ENOX1: variants seen among roughly 807,000 people sequenced by gnomAD.
The protein encoded by ENOX1 is ecto-NOX disulfide-thiol exchanger 1.
A neutral mutation model predicts 82.5 loss-of-function variants in ENOX1; 42 were observed. The observed-to-expected ratio is 0.51, with a 90% CI of 0.40 to 0.66. The LOEUF (loss-of-function observed/expected upper bound fraction) is 0.66, where lower values mean the gene tolerates loss of function less well. ENOX1 is among the 30% of genes least tolerant of loss of function. The probability of loss-of-function intolerance (pLI) is 0.00; values close to 1 mark genes in which losing one functional copy is unlikely to be tolerated. For missense variants in ENOX1, 608 were observed against 811.6 expected, an observed-to-expected ratio of 0.75 and a Z score of 3.05; for synonymous variants, 271 against 282.2, an observed-to-expected ratio of 0.96 and a Z score of 0.40.
chr13:43,719,591 A>C (rs953457810), intron 1 of ENOX1, among the ~76,000 whole-genome samples: 40 of 152,160 alleles, frequency 2.6e-4, no homozygotes, highest in African/African-American at 9.4e-4. Context: ...GCACTCATAG[A>C]CAAAACACCT....
At chr13:43,242,554 G>T (rs910100520) in intron 14 of ENOX1, among the ~76,000 whole-genome samples, 1 of 152,214 alleles carries the variant, frequency 6.6e-6, no homozygotes, top group Non-Finnish European at 1.5e-5. Context: ...ATGAGAGGTG[G>T]CCATGAGGCA....
chr13:43,684,081 G>A (rs1384084573), intron 1 of ENOX1, among the ~76,000 whole-genome samples: 1 of 110,424 alleles, frequency 9.1e-6, no homozygotes, highest in Non-Finnish European at 1.7e-5. Context: ...GGGCGAAAGA[G>A]CGAGACTCTG....
At position 43,702,011 on chromosome 13, in the gene ENOX1, C is replaced by G. The variant is rs566018117; in HGVS notation, c.-284-34467G>C. ...CTTATGCTACTCCCTCCATCCTATC[C>G]CTATCCCCTGGCCACCACTAATGTG... On this transcript the variant is annotated intron_variant, in intron 1 of 16. Transcript: ENST00000690772. 2.6e-5 allele frequency among the ~76,000 whole-genome samples: 4 copies of G among 152,268 alleles called. No homozygotes were observed. The South Asian group carries it at 6.2e-4, about 24-fold the overall frequency.
intron 14 of ENOX1, among the ~76,000 whole-genome samples, chr13:43,253,305 TCTTTGTACCTA>T (rs1427084631): frequency 2.0e-5 from 3 of 152,214 alleles, no homozygotes; most frequent in Admixed American, 2.0e-4. Flanking sequence ...CTTCATTCTA[TCTTTGTACCTA>T]CTTTTTTCCT....
chr13:43,383,996 G>A (rs1320354445), intron 5 of ENOX1, among the ~76,000 whole-genome samples: 1 of 152,166 alleles, frequency 6.6e-6, no homozygotes, highest in Non-Finnish European at 1.5e-5. Flanking sequence ...GAGACTGATC[G>A]GCAGTGAAGC....
chr13:43,392,812 G>GT (rs2052877284), intron 5 of ENOX1, among the ~76,000 whole-genome samples: 1 of 151,974 alleles, frequency 6.6e-6, no homozygotes, highest in Non-Finnish European at 1.5e-5. Flanking sequence ...TCATTAATAT[G>GT]TTTTTCTTTA....
intron 1 of ENOX1, among the ~76,000 whole-genome samples, chr13:43,670,581 C>T (rs547830937): frequency 2.6e-5 from 4 of 152,244 alleles, no homozygotes; most frequent in South Asian, 2.1e-4. Context: ...GGGCTGGGAG[C>T]GGTGGCTCAT....
intron 3 of ENOX1, among the ~76,000 whole-genome samples, chr13:43,457,870 T>C (rs2057301551): frequency 6.6e-6 from 1 of 152,174 alleles, no homozygotes; most frequent in Non-Finnish European, 1.5e-5. Context: ...AACTATATAC[T>C]GACTCTTACC....
intron 9 of ENOX1, among the ~76,000 whole-genome samples, chr13:43,337,080 C>T (rs1375982057): frequency 6.6e-6 from 1 of 152,184 alleles, no homozygotes; most frequent in Non-Finnish European, 1.5e-5. Context: ...ATGCCGTATG[C>T]TCCACTTTAA....
At chr13:43,582,925 C>T (rs1157724018) in intron 2 of ENOX1, among the ~76,000 whole-genome samples, 1 of 152,076 alleles carries the variant, frequency 6.6e-6, no homozygotes, top group African/African-American at 2.4e-5. Flanking sequence ...AAATATTACA[C>T]TAATTATCAC....
rs987776006 is a variant in ENOX1 at position 43,292,199 on chromosome 13, T to C, written c.1446+6147A>G. On this transcript the variant is annotated intron_variant, in intron 12 of 16. Coordinates refer to ENST00000690772, the MANE Select transcript of ENOX1 (RefSeq NM_001347969.2). ...ATCCTACTTAGTATTCTTAAAAAGA[T>C]TTGAGAAGATACTGCACCCATAAAA... Among the ~76,000 whole-genome samples the C allele has an allele frequency of 5.1e-4, 77 of 152,142 alleles. 2 individuals carry two copies.
At chr13:43,453,953 G>A (rs2057097877) in intron 3 of ENOX1, among the ~76,000 whole-genome samples, 1 of 152,114 alleles carries the variant, frequency 6.6e-6, no homozygotes, top group Non-Finnish European at 1.5e-5. Flanking sequence ...CTGGCAGAGG[G>A]TCCTGAGTTC....
intron 3 of ENOX1, among the ~76,000 whole-genome samples, chr13:43,417,949 C>T (rs1279850190): frequency 2.6e-5 from 4 of 152,182 alleles, no homozygotes; most frequent in African/African-American, 9.7e-5. Flanking sequence ...TGACTCACAC[C>T]TGTAATCCCA....
chr13:43,339,372 T>C (rs2048926491), intron 9 of ENOX1, among the ~76,000 whole-genome samples: 1 of 152,196 alleles, frequency 6.6e-6, no homozygotes, highest in South Asian at 2.1e-4. Flanking sequence ...GTGCATCTAA[T>C]CCAGCTCATG....
At position 43,625,575 on chromosome 13, in the gene ENOX1, G is replaced by T. The variant is rs568353153; in HGVS notation, c.-219+41904C>A. 1.4e-4 allele frequency among the ~76,000 whole-genome samples: 21 copies of T among 151,980 alleles called. No homozygotes were observed. In the South Asian group the frequency reaches 3.7e-3, roughly 27 times the overall value. On this transcript the variant is annotated intron_variant, in intron 2 of 16. Transcript: ENST00000690772. ...AAATAAGTGTTGAATTTAATCAAAT[G>T]ATTTTTCTGCATCAATCGATATGAT...
chr13:43,637,474 G>T (rs2083457477), intron 2 of ENOX1, among the ~76,000 whole-genome samples: 2 of 152,050 alleles, frequency 1.3e-5, no homozygotes, highest in Non-Finnish European at 2.9e-5. Flanking sequence ...CAAATCAATG[G>T]CATGTCCACA....
intron 9 of ENOX1, among the ~76,000 whole-genome samples, chr13:43,337,723 T>A (rs904538386): frequency 2.6e-5 from 4 of 151,972 alleles, no homozygotes; most frequent in Admixed American, 6.6e-5. Context: ...TTTATAATAT[T>A]CTTAATTTTC....
Position 43,355,953 on chromosome 13 carries a change from C to T in ENOX1, c.789G>A (p.Glu263=), listed in dbSNP as rs2050123273. The part of the protein sequence containing the change: ...PSPPAIMHYS[E]HEAALLAEKL... ...TTTCAGCCAGCAGAGCGGCTTCGTG[C>T]TCCGAGTAGTGCATTATGGCAGGCG... is the stretch of plus-strand genomic sequence containing the variant. The change falls in exon 8 of 17, where the codon GAG becomes GAA. Residue 263 remains glutamate, a synonymous_variant. Coordinates refer to ENST00000690772, the MANE Select transcript of ENOX1 (RefSeq NM_001347969.2). 5 of 1,613,856 alleles carry T rather than the reference C, an allele frequency of 3.1e-6. No homozygotes were observed. The highest frequency in any genetic ancestry group is 1.7e-5 in the Admixed American group (1 of 60,004).
intron 2 of ENOX1, among the ~76,000 whole-genome samples, chr13:43,499,682 C>G (rs1381484407): frequency 6.6e-6 from 1 of 151,916 alleles, no homozygotes; most frequent in African/African-American, 2.4e-5. Context: ...CAGACACCAA[C>G]ACAAAGATAC....
Sources: gnomAD v4.1 joint callset for allele counts (sites outside exome capture counted in the v4.1 genomes callset) on GRCh38, gnomAD v4.1.1 for gene constraint, MANE v1.5 for transcripts, NCBI Gene and HGNC (gene_info 2026-07-23, HGNC 2026-07-21) for gene names.